The following DYNC2H1 variants were observed in gnomAD, a reference collection of about 807,000 sequenced individuals.
The protein encoded by DYNC2H1 is dynein cytoplasmic 2 heavy chain 1.
A neutral mutation model predicts 570.0 loss-of-function variants in DYNC2H1; 410 were observed. That is an observed-to-expected ratio of 0.72 (90% confidence interval 0.66 to 0.78). The LOEUF (loss-of-function observed/expected upper bound fraction) is 0.78, where lower values mean the gene tolerates loss of function less well. Among genes scored for constraint, DYNC2H1 ranks in the 30% least tolerant of loss-of-function variants. The probability of loss-of-function intolerance (pLI) is 0.00; values close to 1 mark genes in which losing one functional copy is unlikely to be tolerated. For synonymous variants in DYNC2H1, 1,688 were observed against 1,677.6 expected, an observed-to-expected ratio of 1.01 and a Z score of -0.15; for missense variants, 4,865 against 5,046.4, an observed-to-expected ratio of 0.96 and a Z score of 1.09.
At chr11:103,453,839 C>T (rs544501371) in intron 85 of DYNC2H1, among the ~76,000 whole-genome samples, 3 of 150,890 alleles carry the variant, frequency 2.0e-5, no homozygotes, top group East Asian at 1.9e-4. Flanking sequence ...GTTTAGCTAG[C>T]GAAAGAAATT....
At chr11:103,113,378 A>G (rs1858205831) in intron 1 of DYNC2H1, among the ~76,000 whole-genome samples, 159 bp from the exon 2 acceptor site, 1 of 152,232 alleles carries the variant, frequency 6.6e-6, no homozygotes, top group South Asian at 2.1e-4. Flanking sequence ...AAACTGAAGT[A>G]TTCTTAAGGA....
Position 103,174,109 on chromosome 11 carries a change from A to C in DYNC2H1, c.5613A>C (p.Thr1871=). The C allele has an allele frequency of 1.3e-6, 2 of 1,591,316 alleles. No homozygotes were observed. Among genetic ancestry groups the C allele is most frequent in the East Asian group, 2.3e-5 (1 of 44,190 alleles). The change falls in exon 36 of 89, where the codon ACA becomes ACC. Residue 1871 remains threonine, a synonymous_variant. Coordinates refer to ENST00000375735, the MANE Select transcript of DYNC2H1 (RefSeq NM_001377.3). ...ATTGGGGTTTGAGAGCTTTGAAGACAGTTCTGAGAGGAAGTGGAAATCTCC... is the reference window on the plus strand; with the variant it reads ...ATTGGGGTTTGAGAGCTTTGAAGACCGTTCTGAGAGGAAGTGGAAATCTCC... ...HYDWGLRALK[T]VLRGSGNLLR...
intron 59 of DYNC2H1, among the ~76,000 whole-genome samples, chr11:103,223,809 G>A (rs978420841): frequency 3.3e-5 from 5 of 150,242 alleles, no homozygotes; most frequent in South Asian, 2.1e-4. Context: ...GTGCAGTGGC[G>A]CGATCTCAGC....
At chr11:103,144,501 AT>A (rs1860134166) in intron 18 of DYNC2H1, among the ~76,000 whole-genome samples, 2 of 152,212 alleles carry the variant, frequency 1.3e-5, no homozygotes, top group African/African-American at 4.8e-5. Flanking sequence ...TGGAACTAGG[AT>A]TTTGACAGGT....
chr11:103,116,376 C>A (rs1858395748), intron 4 of DYNC2H1, among the ~76,000 whole-genome samples, 194 bp from the exon 5 acceptor site: 1 of 151,888 alleles, frequency 6.6e-6, no homozygotes, highest in South Asian at 2.1e-4. Flanking sequence ...TCTTTCTTTT[C>A]ATGACATTGA....
Position 103,186,633 on chromosome 11 carries a change from C to T in DYNC2H1, c.6893+132C>T. The T allele has an allele frequency of 3.2e-6, 4 of 1,236,480 alleles. No individual in the cohort carries two copies. The highest frequency in any genetic ancestry group is 4.3e-6 in the Non-Finnish European group (4 of 922,954). The allele number at this position is 1,236,480 out of a possible 1,614,324, so 76.6% of individuals were successfully genotyped here. On this transcript the variant is annotated intron_variant, in intron 42 of 88. Coordinates refer to ENST00000375735, the MANE Select transcript of DYNC2H1 (RefSeq NM_001377.3). The surrounding 1 kb of genome is among the most constrained non-coding windows in gnomAD (Gnocchi z 4.5). ...TTTCATGGAAGATTCATTTTATTTT[C>T]ATTACTTATAAAAATAAGAACTATG...
intron 77 of DYNC2H1, among the ~76,000 whole-genome samples, 178 bp downstream of exon 77, chr11:103,304,898 G>A (rs1489567735): frequency 6.6e-6 from 1 of 152,008 alleles, no homozygotes; most frequent in Admixed American, 6.6e-5. Flanking sequence ...ACATTAATAG[G>A]AAGTCTATAA....
intron 37 of DYNC2H1, among the ~76,000 whole-genome samples, 192 bp downstream of exon 37, chr11:103,176,626 T>C (rs1466949682): frequency 6.6e-6 from 1 of 152,202 alleles, no homozygotes; most frequent in Non-Finnish European, 1.5e-5. Context: ...AATATTCTTG[T>C]TTCATGTTTG....
Position 103,363,225 on chromosome 11 carries a change from T to C in DYNC2H1, c.12156+4866T>C, listed in dbSNP as rs1940745980. Among the ~76,000 whole-genome samples the C allele has an allele frequency of 6.6e-6, 1 of 152,118 alleles. No individual in the cohort carries two copies. Among genetic ancestry groups the C allele is most frequent in the Non-Finnish European group, 1.5e-5 (1 of 68,028 alleles). On this transcript the variant is annotated intron_variant, in intron 83 of 88. Transcript: ENST00000375735. The surrounding 1 kb of genome is among the most constrained non-coding windows in gnomAD (Gnocchi z 5.6). ...CAGAGGTAAATGTGCAAGAATACTT[T>C]AATTATTTTGAAGTAGTTTTCTCCA...
At chr11:103,318,412 T>G (rs1166999457) in intron 80 of DYNC2H1, among the ~76,000 whole-genome samples, 1 of 152,206 alleles carries the variant, frequency 6.6e-6, no homozygotes, top group Non-Finnish European at 1.5e-5. Flanking sequence ...ATATATGCTC[T>G]AGTGTTTGGG....
rs1197917099 is a variant in DYNC2H1, at chr11:103,256,680, C to A, written c.10461+440C>A. ...TGCTTATAATGAACAGTGCTGGGTA[C>A]TTTATTATCCTAATGTGGACACCTG... is the stretch of plus-strand genomic sequence containing the variant. On this transcript the variant is annotated intron_variant, in intron 68 of 88. Transcript: ENST00000375735. This position sits in a 1 kb window ranked among gnomAD's most constrained non-coding sequence, Gnocchi z 4.0. Among the ~76,000 whole-genome samples, 2 of 152,072 alleles carry A rather than the reference C, an allele frequency of 1.3e-5. No homozygotes were observed. Among genetic ancestry groups the A allele is most frequent in the African/African-American group, 4.8e-5 (2 of 41,422 alleles).
Position 103,398,605 on chromosome 11 carries a change from G to A in DYNC2H1, c.12157-1058G>A, listed in dbSNP as rs559855050. Among the ~76,000 whole-genome samples the A allele has an allele frequency of 5.3e-5, 8 of 152,274 alleles. No homozygotes were observed. The East Asian group carries it at 1.5e-3, about 29-fold the overall frequency. ...AAGGGATCCTTAATGAAGACTGTAA[G>A]CAGAATACATAGAGAAAATTAAGAT... On this transcript the variant is annotated intron_variant, in intron 83 of 88. Transcript: ENST00000375735.
At chr11:103,443,603 C>G (rs1240764179) in intron 85 of DYNC2H1, among the ~76,000 whole-genome samples, 1 of 151,686 alleles carries the variant, frequency 6.6e-6, no homozygotes, top group Non-Finnish European at 1.5e-5. Context: ...AGCCTCAGAA[C>G]TCCTTTTACT....
chr11:103,409,719 T>G (rs544608416), intron 84 of DYNC2H1: 69 of 154,964 alleles, frequency 4.5e-4, no homozygotes, highest in African/African-American at 1.5e-3. Flanking sequence ...TTGTCACTGC[T>G]ACTCATGAAT....
At chr11:103,223,751 AT>A (rs58624728) in intron 59 of DYNC2H1, among the ~76,000 whole-genome samples, 3,455 of 143,534 alleles carry the variant, frequency 0.024, 63 homozygotes, top group African/African-American at 0.048. Flanking sequence ...TTATTTATTG[AT>A]TTTTTTTTTT....
intron 82 of DYNC2H1, among the ~76,000 whole-genome samples, chr11:103,358,024 G>A (rs1347742679): frequency 5.9e-5 from 9 of 152,112 alleles, no homozygotes; most frequent in South Asian, 2.1e-4. Context: ...TTTAAAAATC[G>A]GTTTTCCCCA....
chr11:103,124,519 C>G (rs1254746484), intron 11 of DYNC2H1, among the ~76,000 whole-genome samples: 3 of 150,326 alleles, frequency 2.0e-5, no homozygotes, highest in Non-Finnish European at 4.4e-5. Context: ...AGCATAATAC[C>G]TGTTGCTGAA....
At chr11:103,425,717 A>T (rs1048603702) in intron 84 of DYNC2H1, among the ~76,000 whole-genome samples, 30 of 152,140 alleles carry the variant, frequency 2.0e-4, no homozygotes, top group African/African-American at 6.3e-4. Context: ...ATAATTTATA[A>T]AATTTTAAGA....
At position 103,173,314 on chromosome 11, in the gene DYNC2H1, T is replaced by C; in HGVS notation, c.5558+9T>C. 1 of 1,513,404 alleles carries C rather than the reference T, an allele frequency of 6.6e-7. No individual in the cohort carries two copies. The allele number at this position is 1,513,404 out of a possible 1,614,324, so 93.7% of individuals were successfully genotyped here. ...ATTTTCAATCTATCTAGGTGAGTTT[T>C]CTTGTTCTAAATATTTTTATATTTT... is the stretch of plus-strand genomic sequence containing the variant. On this transcript the variant is annotated intron_variant, in intron 35 of 88. Coordinates refer to ENST00000375735, the MANE Select transcript of DYNC2H1 (RefSeq NM_001377.3).
Sources: allele counts gnomAD v4.1 joint callset (sites outside exome capture counted in the v4.1 genomes callset), GRCh38; gene constraint gnomAD v4.1.1; non-coding constraint Gnocchi (gnomAD v3.1); transcripts MANE v1.5; gene names NCBI Gene and HGNC (gene_info 2026-07-23, HGNC 2026-07-21).